The following RNF43 variants were observed in gnomAD, a reference collection of about 807,000 sequenced individuals.
The protein encoded by RNF43 is E3 ubiquitin-protein ligase RNF43.
In RNF43, 37 loss-of-function variants were observed where a neutral mutation model predicts 78.4. That is an observed-to-expected ratio of 0.47 (90% CI 0.36 to 0.62). The LOEUF is 0.62. RNF43 is among the 20% of genes least tolerant of loss of function. The probability of loss-of-function intolerance (pLI) is 0.00; values close to 1 mark genes in which losing one functional copy is unlikely to be tolerated. For missense variants in RNF43, 774 were observed against 1,007.9 expected (o/e 0.77, Z 3.14); for synonymous variants, 347 against 395.0 (o/e 0.88, Z 1.44).
At chr17:58,378,053 T>C (rs1218316368) in intron 2 of RNF43, among the ~76,000 whole-genome samples, 1 of 152,122 alleles carries the variant, frequency 6.6e-6, no homozygotes, top group Middle Eastern at 3.2e-3. Flanking sequence ...CTTGGTCACC[T>C]TGCCTTGTAT....
chr17:58,377,220 C>G (rs1973222215), intron 2 of RNF43, among the ~76,000 whole-genome samples: 2 of 152,180 alleles, frequency 1.3e-5, no homozygotes, highest in African/African-American at 2.4e-5. Context: ...TAATGGATAT[C>G]AGTGCCTAGC....
At chr17:58,361,498 C>T (rs1972833619) in intron 6 of RNF43, among the ~76,000 whole-genome samples, 1 of 152,212 alleles carries the variant, frequency 6.6e-6, no homozygotes, top group South Asian at 2.1e-4. Flanking sequence ...ATTACTGTCA[C>T]CTGGATTCCT....
rs1974109644 is a variant in RNF43 at position 58,415,715 on chromosome 17, G to C, written c.-138C>G. On this transcript the variant is annotated 5_prime_UTR_variant, in exon 2 of 10. Coordinates refer to ENST00000407977, the MANE Select transcript of RNF43 (RefSeq NM_017763.6). ...TTCAGAAAGCCAAGTCGTAGTTTTG[G>C]CCCTTCCTTTCTCTAAAGTTTATTC... The C allele has an allele frequency of 2.9e-6, 3 of 1,017,588 alleles. No individual in the cohort carries two copies. Among genetic ancestry groups the C allele is most frequent in the Non-Finnish European group, 4.2e-6 (3 of 712,466 alleles). The allele number at this position is 1,017,588 out of a possible 1,614,324, so 63.0% of individuals were successfully genotyped here.
At chr17:58,416,736 T>C (rs1974135369) in intron 1 of RNF43, 1 of 152,124 alleles carries the variant, frequency 6.6e-6, no homozygotes, top group Non-Finnish European at 1.5e-5. Context: ...ACAAATAATC[T>C]TGAGTAGAAT....
intron 2 of RNF43, among the ~76,000 whole-genome samples, chr17:58,412,901 TTGA>T (rs1408952922): frequency 6.6e-6 from 1 of 152,108 alleles, no homozygotes; most frequent in African/African-American, 2.4e-5. Flanking sequence ...TTAAAAAGAT[TTGA>T]CTGCAATCTT....
At chr17:58,382,264 G>T (rs1973335499) in intron 2 of RNF43, among the ~76,000 whole-genome samples, 1 of 152,136 alleles carries the variant, frequency 6.6e-6, no homozygotes, top group Non-Finnish European at 1.5e-5. Flanking sequence ...CTTGAGGTCA[G>T]GGACTAGGTC....
In RNF43 at chr17:58,415,612, T is replaced by TAC; in HGVS notation, c.-37_-36dup. The TAC allele has an allele frequency of 6.3e-7, 1 of 1,599,806 alleles. No individual in the cohort carries two copies. The highest frequency in any genetic ancestry group is 8.5e-7 in the Non-Finnish European group (1 of 1,178,672). On this transcript the variant is annotated 5_prime_UTR_variant, in exon 2 of 10. Coordinates refer to ENST00000407977, the MANE Select transcript of RNF43 (RefSeq NM_017763.6). Reference sequence around the variant, plus strand: ...TGCAGCAATGCACTTCAACCATACATACTGCTTCCACTAGCTAATACCAAA... The same window carrying TAC: ...TGCAGCAATGCACTTCAACCATACATACACTGCTTCCACTAGCTAATACCAAA...
At chr17:58,363,240 G>A (rs1168455883) in intron 5 of RNF43, 35 bp downstream of exon 5, 2 of 1,609,072 alleles carry the variant, frequency 1.2e-6, no homozygotes, top group Non-Finnish European at 1.7e-6. Context: ...GTAGGGCTAA[G>A]TGCAGGGCAA....
intron 2 of RNF43, among the ~76,000 whole-genome samples, chr17:58,405,355 G>T (rs1449962359): frequency 6.6e-6 from 1 of 152,058 alleles, no homozygotes; most frequent in Admixed American, 6.5e-5. Flanking sequence ...GGGATTACAG[G>T]CGTGAGCCAC....
chr17:58,356,806 A>G (rs1229731893), intron 9 of RNF43, among the ~76,000 whole-genome samples: 1 of 151,658 alleles, frequency 6.6e-6, no homozygotes, highest in Non-Finnish European at 1.5e-5. Context: ...AGCTGTGAGC[A>G]TTGGTAGAAC....
At chr17:58,355,809 G>A (rs1052879182) in intron 9 of RNF43, among the ~76,000 whole-genome samples, 3 of 152,202 alleles carry the variant, frequency 2.0e-5, no homozygotes, top group African/African-American at 4.8e-5. Context: ...TACTGGATGG[G>A]CAGCACTCAG....
Position 58,362,681 on chromosome 17 carries a change from C to G in RNF43, c.583-33G>C, listed in dbSNP as rs1972863071. On this transcript the variant is annotated intron_variant, in intron 5 of 9. Coordinates refer to ENST00000407977, the MANE Select transcript of RNF43 (RefSeq NM_017763.6). The stretch of plus-strand genomic sequence containing the variant: ...GTGAGCAGAGAGGGAAAGGGTCATA[C>G]TTCCGGGATGAGCTGGGTCAATTCG... The G allele has an allele frequency of 1.9e-6, 3 of 1,539,018 alleles. No homozygotes were observed. In the East Asian group the frequency reaches 7.1e-5, roughly 37 times the overall value.
intron 2 of RNF43, among the ~76,000 whole-genome samples, chr17:58,391,942 T>G (rs1973569215): frequency 6.6e-6 from 1 of 152,106 alleles, no homozygotes; most frequent in Admixed American, 6.5e-5. Flanking sequence ...TGAAGCAGTT[T>G]AGGAGGTGTA....
chr17:58,382,789 A>G (rs1429525289), intron 2 of RNF43, among the ~76,000 whole-genome samples: 1 of 152,204 alleles, frequency 6.6e-6, no homozygotes, highest in African/African-American at 2.4e-5. Flanking sequence ...CAGGGTCTTA[A>G]GGCCATTTGT....
chr17:58,354,679 G>A lies in RNF43; in HGVS notation c.*264C>T, dbSNP rs1472224539. 9.5e-6 allele frequency: 5 copies of A among 526,442 alleles called. No homozygotes were observed. Among genetic ancestry groups the A allele is most frequent in the South Asian group, 6.3e-5 (3 of 47,726 alleles). The allele number at this position is 526,442 out of a possible 1,614,324, so 32.6% of individuals were successfully genotyped here. A position where few individuals can be genotyped will look rare whatever the true frequency, so the allele number is the denominator to read the frequency against. Reference sequence around the variant, plus strand: ...CCTTCAAGGGATCCAGCCCACACACGCCACAGGCAGCAGCTGGTTGCCTGG... The same window carrying A: ...CCTTCAAGGGATCCAGCCCACACACACCACAGGCAGCAGCTGGTTGCCTGG... On this transcript the variant is annotated 3_prime_UTR_variant, in exon 10 of 10. Transcript: ENST00000407977.
chr17:58,362,520 C>T lies in RNF43; in HGVS notation c.687+24G>A, dbSNP rs777014355. On this transcript the variant is annotated intron_variant, in intron 6 of 9. Transcript: ENST00000407977. ...CCACACACACGCACACGTTCACCGC[C>T]GCCAAAGACCCCACACTGCTCACCG... The T allele has an allele frequency of 1.0e-5, 16 of 1,573,522 alleles. No homozygotes were observed. The highest frequency in any genetic ancestry group is 1.8e-5 in the Admixed American group (1 of 56,344).
intron 3 of RNF43, among the ~76,000 whole-genome samples, chr17:58,366,797 C>T (rs1206664580): frequency 6.6e-6 from 1 of 152,132 alleles, no homozygotes; most frequent in East Asian, 1.9e-4. Context: ...GTTGCTTAAG[C>T]ATTAGTTATT....
intron 2 of RNF43, among the ~76,000 whole-genome samples, chr17:58,394,607 G>C (rs554394067): frequency 5.3e-5 from 8 of 152,324 alleles, no homozygotes; most frequent in Admixed American, 1.3e-4. Flanking sequence ...CCTATGCTTA[G>C]AGGTCTTACT....
intron 2 of RNF43, among the ~76,000 whole-genome samples, chr17:58,387,390 C>T (rs146441326): frequency 3.7e-4 from 57 of 152,274 alleles, no homozygotes; most frequent in African/African-American, 1.3e-3. Flanking sequence ...GTGGCTCACA[C>T]CTGTAATCCC....
Sources: allele counts gnomAD v4.1 joint callset (sites outside exome capture counted in the v4.1 genomes callset), GRCh38; gene constraint gnomAD v4.1.1; transcripts MANE v1.5; gene names NCBI Gene and HGNC (gene_info 2026-07-23, HGNC 2026-07-21).